LAMA2: variants seen among roughly 807,000 people sequenced by gnomAD.
LAMA2 encodes laminin subunit alpha-2.
In LAMA2, 269 loss-of-function variants were observed where a neutral mutation model predicts 364.8. That is an observed-to-expected ratio of 0.74 (90% CI 0.67 to 0.82). The LOEUF (loss-of-function observed/expected upper bound fraction) is 0.82. LAMA2 is among the 40% of genes least tolerant of loss of function. The pLI, the probability that LAMA2 is intolerant of heterozygous loss-of-function variation, is 0.00. For synonymous variants in LAMA2, 1,379 were observed against 1,370.6 expected (o/e 1.01, Z -0.14); for missense variants, 3,807 against 3,873.2 (o/e 0.98, Z 0.45).
At chr6:128,957,876 G>A (rs895202753) in intron 1 of LAMA2, among the ~76,000 whole-genome samples, 2 of 81,346 alleles carry the variant, frequency 2.5e-5, no homozygotes, top group Admixed American at 3.0e-4. Flanking sequence ...TGTATTTAGA[G>A]TTTTTCCTGA....
At chr6:129,240,640 C>A (rs1463248680) in intron 12 of LAMA2, among the ~76,000 whole-genome samples, 1 of 152,144 alleles carries the variant, frequency 6.6e-6, no homozygotes, top group Non-Finnish European at 1.5e-5. Context: ...TCACAGTGCT[C>A]TGGATGTGCT....
intron 28 of LAMA2, among the ~76,000 whole-genome samples, chr6:129,322,979 A>G (rs530425831): frequency 6.6e-6 from 1 of 152,252 alleles, no homozygotes; most frequent in Non-Finnish European, 1.5e-5. Context: ...CATCTGCATT[A>G]GTGGCTTCAC....
At chr6:129,432,396 C>A (rs1360057125) in intron 41 of LAMA2, among the ~76,000 whole-genome samples, 1 of 152,124 alleles carries the variant, frequency 6.6e-6, no homozygotes, top group Non-Finnish European at 1.5e-5. Context: ...CATATCCAAC[C>A]CCACCATGTG....
chr6:129,005,384 A>G (rs987425400), intron 1 of LAMA2, among the ~76,000 whole-genome samples: 4 of 151,864 alleles, frequency 2.6e-5, no homozygotes, highest in African/African-American at 4.8e-5. Flanking sequence ...CTAATATCTC[A>G]CCCTAGAAAT....
chr6:128,996,312 G>A (rs1352062129), intron 1 of LAMA2, among the ~76,000 whole-genome samples: 1 of 151,952 alleles, frequency 6.6e-6, no homozygotes, highest in African/African-American at 2.4e-5. Flanking sequence ...GTGTTTGAGG[G>A]GTGAGAGAAA....
Position 129,165,627 on chromosome 6 carries a change from G to A in LAMA2, c.1258G>A (p.Gly420Ser), listed in dbSNP as rs1419583983. 6 of 1,613,352 alleles carry A rather than the reference G, an allele frequency of 3.7e-6. No homozygotes were observed. In the East Asian group the frequency reaches 1.3e-4, roughly 36 times the overall value. Residue 420 changes from glycine to serine, a missense_variant, in exon 9 of 65, where the codon GGT becomes AGT. Gly to Ser is a moderately conservative substitution (Grantham distance 56). Around this residue, in one of 3 missense-constraint regions of LAMA2, gnomAD observed 3,333 missense variants for 3,345.7 expected, o/e 1.00. Transcript: ENST00000421865. The part of the protein sequence containing the change: ...PCQPCHCDPI[G>S]SLNEVCVKDE... Reference sequence around the variant, plus strand: ...CCAGCCATGTCATTGCGATCCAATTGGTTCCTTAAATGAAGTCTGTGTCAA... The same window carrying A: ...CCAGCCATGTCATTGCGATCCAATTAGTTCCTTAAATGAAGTCTGTGTCAA...
chr6:129,192,806 C>T lies in LAMA2; in HGVS notation c.1735C>T (p.Pro579Ser). ...TAACGCGGAGGCCCGGCAAGCCCTG[C>T]CGCACAGCTACTACTGGAGCGCGCC... ...ISNAEARQAL[P>S]HSYYWSAPAP... Residue 579 changes from proline to serine, a missense_variant, in exon 12 of 65, where the codon CCG becomes TCG. Coordinates refer to ENST00000421865, the MANE Select transcript of LAMA2 (RefSeq NM_000426.4). The T allele has an allele frequency of 6.2e-7, 1 of 1,614,176 alleles. No individual in the cohort carries two copies. The highest frequency in any genetic ancestry group is 1.1e-5 in the South Asian group (1 of 91,084).
intron 35 of LAMA2, among the ~76,000 whole-genome samples, chr6:129,390,747 A>G (rs1779272421): frequency 6.6e-6 from 1 of 152,124 alleles, no homozygotes; most frequent in African/African-American, 2.4e-5. Flanking sequence ...TCTTTTCTCA[A>G]ATGAAATCCT....
intron 1 of LAMA2, among the ~76,000 whole-genome samples, chr6:129,049,645 G>C (rs1429818089): frequency 7.9e-5 from 12 of 152,070 alleles, no homozygotes; most frequent in Admixed American, 7.9e-4. Context: ...ATGTGTCCTA[G>C]AGACAGGACC....
intron 17 of LAMA2, among the ~76,000 whole-genome samples, chr6:129,279,638 A>G (rs1040218716): frequency 1.3e-5 from 2 of 152,070 alleles, no homozygotes; most frequent in Non-Finnish European, 1.5e-5. Flanking sequence ...TGCCACCACC[A>G]CTACCACATA....
chr6:129,305,118 T>G (rs1197371071), intron 22 of LAMA2, among the ~76,000 whole-genome samples: 2 of 152,210 alleles, frequency 1.3e-5, no homozygotes, highest in Admixed American at 1.3e-4. Context: ...CATGAACATT[T>G]AGGATTGCTA....
At chr6:129,158,740 G>T in intron 8 of LAMA2, 3 of 1,614,138 alleles carry the variant, frequency 1.9e-6, no homozygotes, top group Non-Finnish European at 2.5e-6. Flanking sequence ...TACATAAATT[G>T]GTCCGACAAC....
chr6:129,438,854 G>T, intron 42 of LAMA2, 92 bp downstream of exon 42: 2 of 760,384 alleles, frequency 2.6e-6, no homozygotes, highest in South Asian at 1.4e-5. Flanking sequence ...AGATTATTCT[G>T]GTACTATTAT....
intron 16 of LAMA2, among the ~76,000 whole-genome samples, chr6:129,270,255 T>C (rs1787822838): frequency 7.0e-6 from 1 of 142,804 alleles, no homozygotes; most frequent in Admixed American, 7.1e-5. Context: ...ATGTTATTAG[T>C]GCTCTATGAC....
At chr6:129,291,921 A>ATT (rs3215022) in intron 20 of LAMA2, among the ~76,000 whole-genome samples, 7 of 151,518 alleles carry the variant, frequency 4.6e-5, no homozygotes, top group East Asian at 1.9e-4. Context: ...GACCTTAAAC[A>ATT]TTTTTTTTTG....
intron 32 of LAMA2, among the ~76,000 whole-genome samples, chr6:129,365,322 A>T (rs993593362): frequency 6.6e-6 from 1 of 152,204 alleles, no homozygotes; most frequent in Non-Finnish European, 1.5e-5. Context: ...ATATTATCAT[A>T]AGAAAACACT....
intron 8 of LAMA2, chr6:129,157,734 C>T (rs1779199538): frequency 3.1e-6 from 5 of 1,612,202 alleles, no homozygotes; most frequent in East Asian, 2.2e-5. Context: ...TGACGGATCA[C>T]TCGGTACCAT....
intron 1 of LAMA2, among the ~76,000 whole-genome samples, chr6:128,993,023 A>G (rs1158556321): frequency 6.6e-6 from 1 of 152,154 alleles, no homozygotes; most frequent in Non-Finnish European, 1.5e-5. Context: ...CAGACTCATC[A>G]CTGGTGCTAT....
At chr6:129,415,330 C>T (rs754961325) in intron 40 of LAMA2, among the ~76,000 whole-genome samples, 1 of 152,042 alleles carries the variant, frequency 6.6e-6, no homozygotes, top group Non-Finnish European at 1.5e-5. Context: ...TGCTTGATTG[C>T]CAGTTGCTCT....
Sources: allele counts gnomAD v4.1 joint callset (sites outside exome capture counted in the v4.1 genomes callset), GRCh38; gene constraint gnomAD v4.1.1; regional missense constraint gnomAD v4.1.1; transcripts MANE v1.5; gene names NCBI Gene and HGNC (gene_info 2026-07-23, HGNC 2026-07-21).